The following CHSY3 variants were observed in gnomAD, a reference collection of about 807,000 sequenced individuals.
CHSY3 encodes chondroitin sulfate synthase 3.
CHSY3 carries 35 observed loss-of-function variants against 67.2 expected under a neutral mutation model. The ratio of observed to expected loss-of-function variants is 0.52; its 90% CI spans 0.40 to 0.69. CHSY3 has a LOEUF of 0.69. Ranked by LOEUF, CHSY3 falls within the 30% of genes least tolerant of loss-of-function variation. The pLI is 0.00. For missense variants in CHSY3, 1,069 were observed against 1,138.5 expected (o/e 0.94, Z 0.88); for synonymous variants, 474 against 434.7 (o/e 1.09, Z -1.12).
At chr5:130,093,028 T>C (rs1766931747) in intron 2 of CHSY3, among the ~76,000 whole-genome samples, 1 of 152,206 alleles carries the variant, frequency 6.6e-6, no homozygotes, top group African/African-American at 2.4e-5. Context: ...GGAACTCAGA[T>C]AAAACAAATG....
At chr5:130,071,144 ACT>A (rs141960607) in intron 2 of CHSY3, among the ~76,000 whole-genome samples, 2,201 of 152,068 alleles carry the variant, frequency 0.014, 46 homozygotes, top group African/African-American at 0.048. Context: ...GGAACCCAAC[ACT>A]CTCTCTATAA....
intron 2 of CHSY3, among the ~76,000 whole-genome samples, chr5:129,913,529 A>C (rs1760637085): frequency 6.6e-6 from 1 of 152,146 alleles, no homozygotes; most frequent in Non-Finnish European, 1.5e-5. Context: ...ATTCATGTTC[A>C]TTTTGTGTAT....
chr5:130,021,414 A>G lies in CHSY3; in HGVS notation c.1086+113054A>G, dbSNP rs190024211. On this transcript the variant is annotated intron_variant, in intron 2 of 2. Coordinates refer to ENST00000305031, the MANE Select transcript of CHSY3 (RefSeq NM_175856.5). Reference sequence around the variant, plus strand: ...TGGAATTCCTGTTTTCACTGAATCAATACAGCCTGATCTTTTCTTCATATC... The same window carrying G: ...TGGAATTCCTGTTTTCACTGAATCAGTACAGCCTGATCTTTTCTTCATATC... Among the ~76,000 whole-genome samples the G allele has an allele frequency of 2.0e-4, 31 of 152,276 alleles. No individual in the cohort carries two copies. In the East Asian group the frequency reaches 5.8e-3, roughly 28 times the overall value.
chr5:130,164,361 AAGG>A (rs1454755860), intron 2 of CHSY3, among the ~76,000 whole-genome samples: 2 of 152,226 alleles, frequency 1.3e-5, no homozygotes, highest in East Asian at 3.8e-4. Context: ...AAGAGGAAGA[AAGG>A]AGGAGTCTAC....
intron 2 of CHSY3, among the ~76,000 whole-genome samples, chr5:129,994,297 T>C (rs1017400275): frequency 2.0e-5 from 3 of 152,206 alleles, no homozygotes; most frequent in African/African-American, 7.2e-5. Context: ...GATAATATCC[T>C]GCAGAGTGTT....
intron 2 of CHSY3, among the ~76,000 whole-genome samples, chr5:129,927,050 A>G (rs1022666288): frequency 6.6e-6 from 1 of 151,992 alleles, no homozygotes; most frequent in Admixed American, 6.6e-5. Context: ...GAAACAAACA[A>G]TAAATGTAGA....
At chr5:129,988,732 T>C (rs996700196) in intron 2 of CHSY3, among the ~76,000 whole-genome samples, 2 of 152,072 alleles carry the variant, frequency 1.3e-5, no homozygotes, top group African/African-American at 4.8e-5. Context: ...GATATAATCA[T>C]GTGAAGCTGC....
chr5:130,019,756 C>T (rs554441250), intron 2 of CHSY3, among the ~76,000 whole-genome samples: 1 of 152,310 alleles, frequency 6.6e-6, no homozygotes, highest in South Asian at 2.1e-4. Flanking sequence ...GTAGCTGCAT[C>T]AGTTTGAGCA....
intron 2 of CHSY3, among the ~76,000 whole-genome samples, chr5:129,914,171 T>G (rs1306558408): frequency 6.6e-6 from 1 of 152,130 alleles, no homozygotes; most frequent in Non-Finnish European, 1.5e-5. Flanking sequence ...AGTGCAATGC[T>G]GCAATCTTGG....
intron 2 of CHSY3, among the ~76,000 whole-genome samples, chr5:130,049,471 A>G (rs543514944): frequency 1.3e-5 from 2 of 152,074 alleles, no homozygotes; most frequent in Non-Finnish European, 2.9e-5. Context: ...GTCATTCTCA[A>G]TGTTCTGTTA....
intron 2 of CHSY3, among the ~76,000 whole-genome samples, chr5:130,042,095 A>T (rs1320838947): frequency 6.6e-6 from 1 of 152,008 alleles, no homozygotes; most frequent in African/African-American, 2.4e-5. Flanking sequence ...AATTAGCTGG[A>T]CATGGTGGCA....
At chr5:130,171,373 A>C (rs1343030283) in intron 2 of CHSY3, among the ~76,000 whole-genome samples, 6 of 152,174 alleles carry the variant, frequency 3.9e-5, no homozygotes, top group African/African-American at 1.4e-4. Context: ...TAATTAAGGC[A>C]TAAGGGTTTA....
At chr5:129,911,004 C>G (rs1412445280) in intron 2 of CHSY3, among the ~76,000 whole-genome samples, 2 of 133,414 alleles carry the variant, frequency 1.5e-5, no homozygotes, top group Admixed American at 7.7e-5. Flanking sequence ...TTTGGTTTAT[C>G]CTCCTAACAA....
At chr5:130,109,482 T>C (rs1767523526) in intron 2 of CHSY3, among the ~76,000 whole-genome samples, 2 of 151,702 alleles carry the variant, frequency 1.3e-5, no homozygotes, top group Admixed American at 1.3e-4. Flanking sequence ...AATTAATACA[T>C]TAGAAGCTAA....
At chr5:129,941,448 A>G (rs1761696340) in intron 2 of CHSY3, among the ~76,000 whole-genome samples, 1 of 152,136 alleles carries the variant, frequency 6.6e-6, no homozygotes, top group African/African-American at 2.4e-5. Flanking sequence ...TTAATGGTAG[A>G]CAGATTTATG....
At chr5:129,962,725 T>C (rs1487484000) in intron 2 of CHSY3, among the ~76,000 whole-genome samples, 1 of 152,006 alleles carries the variant, frequency 6.6e-6, no homozygotes, top group Non-Finnish European at 1.5e-5. Context: ...TCTTTGATGG[T>C]GACATCAAGT....
intron 2 of CHSY3, among the ~76,000 whole-genome samples, chr5:130,053,474 T>A (rs1765430972): frequency 6.6e-6 from 1 of 152,140 alleles, no homozygotes; most frequent in Admixed American, 6.5e-5. Flanking sequence ...GTAATGATGG[T>A]CATTCCTCAT....
At chr5:130,007,097 T>C (rs1299341160) in intron 2 of CHSY3, among the ~76,000 whole-genome samples, 1 of 152,212 alleles carries the variant, frequency 6.6e-6, no homozygotes, top group African/African-American at 2.4e-5. Context: ...CAAGTTAGTC[T>C]CTTAATGTAC....
rs943887934 is a variant in CHSY3, at chr5:129,954,407, G to A, written c.1086+46047G>A. Among the ~76,000 whole-genome samples, 73 of 151,246 alleles carry A rather than the reference G, an allele frequency of 4.8e-4. 1 individual carries two copies. Among genetic ancestry groups the A allele is most frequent in the African/African-American group, 1.7e-3 (70 of 41,258 alleles). On this transcript the variant is annotated intron_variant, in intron 2 of 2. Coordinates refer to ENST00000305031, the MANE Select transcript of CHSY3 (RefSeq NM_175856.5). Reference sequence around the variant, plus strand: ...GCCTTATAGTATAGTTTGAAGTCAGGTAGAGTGATACCTCTAGCTGTGCTC... The same window carrying A: ...GCCTTATAGTATAGTTTGAAGTCAGATAGAGTGATACCTCTAGCTGTGCTC...
Sources: allele counts gnomAD v4.1 joint callset (sites outside exome capture counted in the v4.1 genomes callset), GRCh38; gene constraint gnomAD v4.1.1; transcripts MANE v1.5; gene names NCBI Gene and HGNC (gene_info 2026-07-23, HGNC 2026-07-21).